SLX4IP: variants seen among roughly 807,000 people sequenced by gnomAD.
SLX4IP encodes the protein SLX4 interacting protein.
SLX4IP carries 34 observed loss-of-function variants against 32.9 expected under a neutral mutation model. The ratio of observed to expected loss-of-function variants is 1.03; its 90% CI spans 0.79 to 1.38. The LOEUF is 1.38. Ranked by LOEUF, SLX4IP falls within the 40% of genes most tolerant of loss-of-function variation. The pLI, the probability that SLX4IP is intolerant of heterozygous loss-of-function variation, is 0.00. For missense variants in SLX4IP, 444 were observed against 479.0 expected (o/e 0.93, Z 0.68); for synonymous variants, 172 against 171.7 (o/e 1.00, Z -0.01).
chr20:10,542,602 A>G (rs535212078), intron 2 of SLX4IP, among the ~76,000 whole-genome samples: 1 of 152,184 alleles, frequency 6.6e-6, no homozygotes, highest in Non-Finnish European at 1.5e-5. Context: ...TCATCCTGTC[A>G]CTTTTCCCGG....
intron 4 of SLX4IP, among the ~76,000 whole-genome samples, chr20:10,575,891 C>T (rs747611348): frequency 7.2e-5 from 11 of 151,970 alleles, no homozygotes; most frequent in Non-Finnish European, 1.3e-4. Context: ...GTTATCTTAC[C>T]GACTAAATAT....
intron 2 of SLX4IP, among the ~76,000 whole-genome samples, chr20:10,495,540 T>C (rs1254141774): frequency 6.6e-6 from 1 of 152,234 alleles, no homozygotes; most frequent in Non-Finnish European, 1.5e-5. Context: ...TTAATGTTTT[T>C]GCTTAAATAT....
At chr20:10,505,775 C>T (rs1023459219) in intron 2 of SLX4IP, among the ~76,000 whole-genome samples, 3 of 152,022 alleles carry the variant, frequency 2.0e-5, no homozygotes, top group East Asian at 1.9e-4. Flanking sequence ...GTATTATATA[C>T]GTATAAATAT....
chr20:10,461,348 G>C (rs1454945401), intron 2 of SLX4IP, among the ~76,000 whole-genome samples: 1 of 152,210 alleles, frequency 6.6e-6, no homozygotes, highest in Non-Finnish European at 1.5e-5. Flanking sequence ...AGTGATGCCT[G>C]CAAGGCTTGG....
chr20:10,453,332 G>GTGTGTGTGTGTA (rs1568687630), intron 1 of SLX4IP, among the ~76,000 whole-genome samples: 1 of 151,728 alleles, frequency 6.6e-6, no homozygotes, highest in African/African-American at 2.4e-5. Flanking sequence ...GTGTGTGTGT[G>GTGTGTGTGTGTA]TAGATCTTCC....
intron 4 of SLX4IP, among the ~76,000 whole-genome samples, chr20:10,596,683 G>A (rs553628452): frequency 6.6e-6 from 1 of 152,196 alleles, no homozygotes; most frequent in South Asian, 2.1e-4. Flanking sequence ...TGGAAGACTT[G>A]CATTATAAAT....
chr20:10,621,164 G>A (rs1227803668), intron 6 of SLX4IP, 150 bp from the exon 7 acceptor site: 1 of 665,182 alleles, frequency 1.5e-6, no homozygotes, highest in Non-Finnish European at 2.6e-6. Flanking sequence ...AAAGTCCTAG[G>A]TAAAAAAGGT....
chr20:10,608,094 C>A (rs113036002), intron 6 of SLX4IP, among the ~76,000 whole-genome samples: 3,659 of 152,258 alleles, frequency 0.024, 100 homozygotes, highest in Admixed American at 0.088. Flanking sequence ...GTATCTTTGC[C>A]TGTGCAGAGG....
intron 6 of SLX4IP, among the ~76,000 whole-genome samples, chr20:10,619,001 T>G (rs2067073485): frequency 6.6e-6 from 1 of 152,106 alleles, no homozygotes; most frequent in Admixed American, 6.5e-5. Flanking sequence ...GGGGAGTTAA[T>G]TGACCCTAGA....
chr20:10,441,598 G>C (rs1196352963), intron 1 of SLX4IP, among the ~76,000 whole-genome samples: 2 of 152,156 alleles, frequency 1.3e-5, no homozygotes, highest in African/African-American at 4.8e-5. Context: ...AGGTAGCACT[G>C]TTCCATGGAA....
chr20:10,505,913 A>G (rs936964139), intron 2 of SLX4IP, among the ~76,000 whole-genome samples: 3 of 152,164 alleles, frequency 2.0e-5, no homozygotes, highest in South Asian at 2.1e-4. Context: ...CTGAGAAACT[A>G]CATAAACTAG....
At chr20:10,454,302 C>A in intron 1 of SLX4IP, among the ~76,000 whole-genome samples, 1 of 152,132 alleles carries the variant, frequency 6.6e-6, no homozygotes, top group South Asian at 2.1e-4. Context: ...ACCCCTATGT[C>A]AGTATTTTTA....
At chr20:10,587,897 GA>G (rs1180876552) in intron 4 of SLX4IP, among the ~76,000 whole-genome samples, 1 of 152,058 alleles carries the variant, frequency 6.6e-6, no homozygotes, top group African/African-American at 2.4e-5. Flanking sequence ...ACTTCTAGTA[GA>G]AGAAGTTGGG....
intron 4 of SLX4IP, among the ~76,000 whole-genome samples, chr20:10,579,704 G>A (rs1433071812): frequency 6.6e-6 from 1 of 152,194 alleles, no homozygotes; most frequent in Non-Finnish European, 1.5e-5. Flanking sequence ...GGGATTACAG[G>A]CGTGAGCCAC....
chr20:10,537,248 T>C (rs910084573), intron 2 of SLX4IP, among the ~76,000 whole-genome samples: 3 of 152,222 alleles, frequency 2.0e-5, no homozygotes, highest in African/African-American at 7.2e-5. Flanking sequence ...GGGGCTACTA[T>C]GGCAGTTTAT....
At chr20:10,450,563 A>G (rs1223596588) in intron 1 of SLX4IP, among the ~76,000 whole-genome samples, 1 of 152,186 alleles carries the variant, frequency 6.6e-6, no homozygotes, top group Non-Finnish European at 1.5e-5. Context: ...TTATTTAGAG[A>G]ATGGAAATGA....
chr20:10,459,654 T>A (rs1195424906), intron 2 of SLX4IP, among the ~76,000 whole-genome samples: 1 of 152,198 alleles, frequency 6.6e-6, no homozygotes, highest in East Asian at 1.9e-4. Flanking sequence ...ATCAGCAAAT[T>A]CTCTACCTGG....
intron 4 of SLX4IP, among the ~76,000 whole-genome samples, chr20:10,571,825 A>G (rs2066469757): frequency 6.6e-6 from 1 of 152,172 alleles, no homozygotes; most frequent in Non-Finnish European, 1.5e-5. Context: ...CTTGCCCCTT[A>G]CACAAAACAC....
intron 2 of SLX4IP, among the ~76,000 whole-genome samples, chr20:10,538,840 T>A (rs2066074363): frequency 6.6e-6 from 1 of 152,218 alleles, no homozygotes; most frequent in South Asian, 2.1e-4. Context: ...TTTGGCTGTA[T>A]TATTTTGAGG....
Sources: gnomAD v4.1 joint callset for allele counts (sites outside exome capture counted in the v4.1 genomes callset) on GRCh38, gnomAD v4.1.1 for gene constraint, MANE v1.5 for transcripts, NCBI Gene and HGNC (gene_info 2026-07-23, HGNC 2026-07-21) for gene names.